Variants in ZNF423 observed in about 807,000 individuals in gnomAD.
ZNF423 encodes the protein zinc finger protein 423, also known as Ebf-associated zinc finger protein.
In ZNF423, 12 loss-of-function variants were observed where a neutral mutation model predicts 95.8. The observed-to-expected ratio is 0.13, with a 90% CI of 0.08 to 0.20. The LOEUF is 0.20. Ranked by LOEUF, ZNF423 falls within the 10% of genes least tolerant of loss-of-function variation. The pLI, the probability that ZNF423 is intolerant of heterozygous loss-of-function variation, is 1.00. For synonymous variants in ZNF423, 749 were observed against 711.9 expected (o/e 1.05, Z -0.83); for missense variants, 1,316 against 1,737.1 (o/e 0.76, Z 4.31).
intron 1 of ZNF423, among the ~76,000 whole-genome samples, chr16:49,832,996 T>TCAGCCTC (rs1246083387): frequency 1.3e-5 from 2 of 152,204 alleles, no homozygotes; most frequent in African/African-American, 4.8e-5. Context: ...TGAGCAACAC[T>TCAGCCTC]CAGCCTCCAG....
At chr16:49,523,098 C>A (rs1434448884) in intron 7 of ZNF423, among the ~76,000 whole-genome samples, 13 of 152,170 alleles carry the variant, frequency 8.5e-5, no homozygotes, top group Admixed American at 8.5e-4. Flanking sequence ...TTGGCTGAGG[C>A]CCCTGTCCCT....
intron 3 of ZNF423, among the ~76,000 whole-genome samples, chr16:49,684,640 G>A (rs979982252): frequency 2.0e-5 from 3 of 152,170 alleles, no homozygotes; most frequent in African/African-American, 7.2e-5. Flanking sequence ...GCCCCAGGAC[G>A]TAACTCTCCT....
At chr16:49,763,698 A>G (rs963819110) in intron 2 of ZNF423, among the ~76,000 whole-genome samples, 2 of 151,996 alleles carry the variant, frequency 1.3e-5, no homozygotes, top group East Asian at 3.9e-4. Flanking sequence ...TACACGAGTC[A>G]CCCACACTTG....
chr16:49,639,987 G>A (rs1328147592), intron 3 of ZNF423, among the ~76,000 whole-genome samples: 2 of 152,168 alleles, frequency 1.3e-5, no homozygotes, highest in South Asian at 2.1e-4. Context: ...GTTTCTCTTC[G>A]GCTGGATTTA....
intron 5 of ZNF423, among the ~76,000 whole-genome samples, chr16:49,564,054 C>T (rs1970103316): frequency 6.6e-6 from 1 of 152,210 alleles, no homozygotes; most frequent in Non-Finnish European, 1.5e-5. Context: ...ACCAACTGCA[C>T]CTGATGCTTA....
At chr16:49,555,980 A>C (rs1969812625) in intron 5 of ZNF423, among the ~76,000 whole-genome samples, 1 of 152,164 alleles carries the variant, frequency 6.6e-6, no homozygotes, top group Non-Finnish European at 1.5e-5. Context: ...ACACACAAGA[A>C]GATGATCCAC....
chr16:49,532,445 T>A (rs1968882758), intron 5 of ZNF423, among the ~76,000 whole-genome samples: 1 of 152,128 alleles, frequency 6.6e-6, no homozygotes, highest in South Asian at 2.1e-4. Context: ...CTCCTCCCCC[T>A]GGGGGCACCC....
At chr16:49,625,990 G>A (rs1972249440) in intron 5 of ZNF423, among the ~76,000 whole-genome samples, 180 bp downstream of exon 5, 1 of 152,194 alleles carries the variant, frequency 6.6e-6, no homozygotes, top group Non-Finnish European at 1.5e-5. Context: ...GCTGCGACAA[G>A]AAGGCTCAGA....
intron 1 of ZNF423, 103 bp from the exon 2 acceptor site, chr16:49,789,649 T>C: frequency 8.9e-7 from 1 of 1,118,882 alleles, no homozygotes; most frequent in Non-Finnish European, 1.2e-6. Flanking sequence ...GGGTCCTTAT[T>C]ATAATACCCA....
intron 3 of ZNF423, among the ~76,000 whole-genome samples, chr16:49,701,536 A>G (rs1224347123): frequency 6.6e-6 from 1 of 152,188 alleles, no homozygotes; most frequent in Non-Finnish European, 1.5e-5. Context: ...GGTTAATGAT[A>G]ATGAGACGGC....
At chr16:49,534,167 T>TA (rs959976528) in intron 5 of ZNF423, among the ~76,000 whole-genome samples, 7 of 150,926 alleles carry the variant, frequency 4.6e-5, no homozygotes, top group African/African-American at 7.3e-5. Context: ...TTTTTAAAAT[T>TA]AAAAAAAAAT....
At chr16:49,639,062 G>A (rs367740098) in intron 3 of ZNF423, among the ~76,000 whole-genome samples, 188 bp from the exon 4 acceptor site, 2 of 152,208 alleles carry the variant, frequency 1.3e-5, no homozygotes, top group Non-Finnish European at 2.9e-5. Flanking sequence ...CAGAGGGCAC[G>A]CCAGAGGGGC....
chr16:49,682,245 CCCCAA>C (rs2031393041), intron 3 of ZNF423, among the ~76,000 whole-genome samples: 1 of 7,734 alleles, frequency 1.3e-4, no homozygotes, highest in Non-Finnish European at 3.0e-4. Context: ...CCCCATTTTC[CCCCAA>C]CCCCATTTTC....
intron 1 of ZNF423, among the ~76,000 whole-genome samples, chr16:49,818,142 C>G (rs1036521511): frequency 6.6e-6 from 1 of 152,086 alleles, no homozygotes; most frequent in Non-Finnish European, 1.5e-5. Context: ...CAGTTGAAAT[C>G]TAATTCCCCT....
intron 5 of ZNF423, among the ~76,000 whole-genome samples, chr16:49,557,546 G>T (rs1436997439): frequency 6.6e-6 from 1 of 152,202 alleles, no homozygotes; most frequent in Non-Finnish European, 1.5e-5. Flanking sequence ...CGGGTGCTTG[G>T]GTGGAAAACG....
intron 3 of ZNF423, among the ~76,000 whole-genome samples, chr16:49,722,523 A>G (rs1473116282): frequency 6.6e-6 from 1 of 152,186 alleles, no homozygotes; most frequent in Non-Finnish European, 1.5e-5. Flanking sequence ...AATAGCACAC[A>G]CTAAAGAAAC....
intron 3 of ZNF423, among the ~76,000 whole-genome samples, chr16:49,718,719 C>T (rs919918552): frequency 6.6e-6 from 1 of 152,152 alleles, no homozygotes; most frequent in Non-Finnish European, 1.5e-5. Context: ...TTCTCATAGA[C>T]AACACAGTCT....
At chr16:49,647,456 T>G (rs1973222485) in intron 3 of ZNF423, among the ~76,000 whole-genome samples, 1 of 152,226 alleles carries the variant, frequency 6.6e-6, no homozygotes, top group South Asian at 2.1e-4. Flanking sequence ...TAAAATGGAA[T>G]TAAGGTTGAC....
chr16:49,748,049 C>A (rs1009140184), intron 2 of ZNF423, among the ~76,000 whole-genome samples: 1 of 152,184 alleles, frequency 6.6e-6, no homozygotes, highest in African/African-American at 2.4e-5. Context: ...CCAAGGCCAG[C>A]CTGGGCAATA....
Sources: gnomAD v4.1 joint callset for allele counts (sites outside exome capture counted in the v4.1 genomes callset) on GRCh38, gnomAD v4.1.1 for gene constraint, MANE v1.5 for transcripts, NCBI Gene and HGNC (gene_info 2026-07-23, HGNC 2026-07-21) for gene names.